Variants in TRIM58 observed in about 807,000 individuals in gnomAD.
The protein encoded by TRIM58 is tripartite motif containing 58, also known as E3 ubiquitin-protein ligase TRIM58.
Under a neutral mutation model 34.1 loss-of-function variants are expected in TRIM58, and 38 were observed. The ratio of observed to expected loss-of-function variants is 1.12; its 90% CI spans 0.86 to 1.46. TRIM58 has a LOEUF of 1.46. Among genes scored for constraint, TRIM58 ranks in the 40% most tolerant of loss-of-function variants. The pLI is 0.00. For missense variants in TRIM58, 677 were observed against 642.0 expected (o/e 1.05, Z -0.59); for synonymous variants, 273 against 275.7 (o/e 0.99, Z 0.10).
chr1:247,872,796 A>G (rs1165657818), intron 5 of TRIM58, among the ~76,000 whole-genome samples: 1 of 152,150 alleles, frequency 6.6e-6, no homozygotes, highest in Non-Finnish European at 1.5e-5. Context: ...GTGGTGGTGG[A>G]GGAGAAGAGA....
At chr1:247,863,629 T>C (rs1663851280) in intron 2 of TRIM58, among the ~76,000 whole-genome samples, 1 of 151,762 alleles carries the variant, frequency 6.6e-6, no homozygotes, top group Non-Finnish European at 1.5e-5. Context: ...CCCATGAATA[T>C]ATACAAAAAA....
intron 2 of TRIM58, among the ~76,000 whole-genome samples, chr1:247,861,312 C>T (rs748176989): frequency 5.9e-5 from 9 of 151,980 alleles, no homozygotes; most frequent in South Asian, 2.1e-4. Context: ...CAACCTGAGG[C>T]GATACCTGCC....
intron 3 of TRIM58, among the ~76,000 whole-genome samples, chr1:247,866,651 G>A (rs1663933689): frequency 1.3e-5 from 2 of 152,036 alleles, no homozygotes; most frequent in South Asian, 4.1e-4. Context: ...CACTCACGCT[G>A]GAGTGCAGTG....
chr1:247,867,682 C>T (rs966583010), intron 3 of TRIM58, among the ~76,000 whole-genome samples, 163 bp from the exon 4 acceptor site: 3 of 151,976 alleles, frequency 2.0e-5, no homozygotes, highest in Admixed American at 2.0e-4. Context: ...AAGAACGAAA[C>T]TCCATCTCAA....
chr1:247,864,994 C>T, intron 3 of TRIM58, 59 bp downstream of exon 3: 3 of 1,410,182 alleles, frequency 2.1e-6, no homozygotes, highest in Non-Finnish European at 1.9e-6. Context: ...GAGACTAGTA[C>T]AATGGCTTTC....
chr1:247,874,344 C>G (rs9803999), intron 5 of TRIM58, among the ~76,000 whole-genome samples: 56,178 of 151,792 alleles, frequency 0.37, 10,574 homozygotes, highest in South Asian at 0.45. Flanking sequence ...AAACGACCAG[C>G]TCTTGCATGA....
chr1:247,865,797 A>G (rs1166524420), intron 3 of TRIM58, among the ~76,000 whole-genome samples: 1 of 152,052 alleles, frequency 6.6e-6, no homozygotes, highest in Non-Finnish European at 1.5e-5. Flanking sequence ...ATCTGGACCG[A>G]CTCCTATCTC....
rs753149604 is a variant in TRIM58 at position 247,875,900 on chromosome 1, T to C, written c.872T>C (p.Val291Ala). The change falls in exon 6 of 6, where the codon GTG becomes GCG. Residue 291 changes from valine to alanine, a missense_variant and splice_region_variant. Physicochemically the swap from Val to Ala is moderately conservative, Grantham distance 64. Coordinates refer to ENST00000366481, the MANE Select transcript of TRIM58 (RefSeq NM_015431.4). The part of the protein sequence containing the change: ...GRRELLRKFQ[V>A]DVKLDPATAH... ...CTGGTCCACCACATTCTTTCCGCAG[T>C]GGATGTAAAGCTGGATCCCGCCACG... 6.8e-6 allele frequency: 11 copies of C among 1,606,034 alleles called. No homozygotes were observed. In the Middle Eastern group the frequency reaches 1.2e-3, roughly 170 times the overall value.
At chr1:247,874,009 TATA>T (rs1659211676) in intron 5 of TRIM58, among the ~76,000 whole-genome samples, 1 of 151,852 alleles carries the variant, frequency 6.6e-6, no homozygotes, top group South Asian at 2.1e-4. Flanking sequence ...GGCAAATAAG[TATA>T]GTGGTAGTGG....
At chr1:247,865,612 C>G (rs1663900428) in intron 3 of TRIM58, among the ~76,000 whole-genome samples, 1 of 152,196 alleles carries the variant, frequency 6.6e-6, no homozygotes, top group Non-Finnish European at 1.5e-5. Flanking sequence ...TACGTGGACT[C>G]CCGTGCAGCT....
At chr1:247,871,757 T>TCAA (rs958535230) in intron 5 of TRIM58, among the ~76,000 whole-genome samples, 3 of 152,208 alleles carry the variant, frequency 2.0e-5, no homozygotes, top group African/African-American at 7.2e-5. Context: ...AATATATCAT[T>TCAA]CAACAACAAC....
At chr1:247,857,802 C>G (rs1298690107) in intron 1 of TRIM58, 136 bp downstream of exon 1, 2 of 1,153,510 alleles carry the variant, frequency 1.7e-6, no homozygotes, top group South Asian at 4.4e-5. Context: ...GCCGTCCCCC[C>G]CGCCCACGCG....
intron 5 of TRIM58, among the ~76,000 whole-genome samples, chr1:247,871,835 A>AC (rs1659132623): frequency 3.9e-5 from 6 of 152,248 alleles, no homozygotes; most frequent in African/African-American, 1.4e-4. Context: ...CACAGGCTGT[A>AC]AGTGGCTGAC....
At position 247,876,373 on chromosome 1, in the gene TRIM58, T is replaced by G; in HGVS notation, c.1345T>G (p.Phe449Val). Residue 449 changes from phenylalanine (F) to valine (V), a missense_variant, in exon 6 of 6, where the codon TTC (phenylalanine) becomes GTC (valine). Coordinates refer to ENST00000366481, the MANE Select transcript of TRIM58 (RefSeq NM_015431.4). ...CTCTGGTCTTCTTCGGCCTTACTTT[T>G]TCATCTGTGATGCAACTCCTCTTAT... ...LFSGLLRPYF[F>V]ICDATPLILP... is the part of the protein sequence containing the mutation. The G allele has an allele frequency of 6.2e-7, 1 of 1,614,200 alleles. No individual in the cohort carries two copies. Among genetic ancestry groups the G allele is most frequent in the Non-Finnish European group, 8.5e-7 (1 of 1,180,032 alleles).
rs1572566819 is a variant in TRIM58 at position 247,857,506 on chromosome 1, T to C, written c.260T>C (p.Leu87Ser). The part of the protein sequence containing the change: ...GLVESVRRLG[L>S]GAGPGARRCA... ...GTGGAGAGCGTGCGGCGGCTGGGGT[T>C]GGGCGCGGGGCCCGGGGCGCGGCGA... is the stretch of plus-strand genomic sequence containing the variant. Residue 87 changes from leucine (L) to serine (S), a missense_variant, in exon 1 of 6, where the codon TTG (leucine) becomes TCG (serine). Physicochemically the swap from Leu to Ser is moderately radical, Grantham distance 145. Transcript: ENST00000366481. 1.5e-6 allele frequency: 2 copies of C among 1,294,690 alleles called. No individual in the cohort carries two copies. The highest frequency in any genetic ancestry group is 9.8e-7 in the Non-Finnish European group (1 of 1,023,476). The allele number at this position is 1,294,690 out of a possible 1,614,324, so 80.2% of individuals were successfully genotyped here.
intron 5 of TRIM58, among the ~76,000 whole-genome samples, chr1:247,873,694 G>T (rs556260302): frequency 6.6e-6 from 1 of 152,184 alleles, no homozygotes; most frequent in Non-Finnish European, 1.5e-5. Context: ...TAGACCGGGC[G>T]TGGCAGCTCA....
At position 247,878,738 on chromosome 1, in the gene TRIM58, A is replaced by G. The variant is rs1163339696; in HGVS notation, c.*2249A>G. ...GTCTTCTACTCTCTCCATAGGATGG[A>G]ATGAGTGTCCCAGTCCCAGGAGTAT... On this transcript the variant is annotated 3_prime_UTR_variant, in exon 6 of 6. Coordinates refer to ENST00000366481, the MANE Select transcript of TRIM58 (RefSeq NM_015431.4). Among the ~76,000 whole-genome samples the G allele has an allele frequency of 6.6e-6, 1 of 152,198 alleles. No individual in the cohort carries two copies. The highest frequency in any genetic ancestry group is 2.4e-5 in the African/African-American group (1 of 41,444).
chr1:247,869,002 C>T (rs931805717), intron 5 of TRIM58, among the ~76,000 whole-genome samples: 2 of 152,150 alleles, frequency 1.3e-5, no homozygotes, highest in African/African-American at 2.4e-5. Flanking sequence ...CATGTTCGAG[C>T]GATTCTCCTG....
At chr1:247,861,796 G>A (rs776132148) in intron 2 of TRIM58, among the ~76,000 whole-genome samples, 11 of 151,432 alleles carry the variant, frequency 7.3e-5, no homozygotes, top group Non-Finnish European at 1.5e-4. Context: ...AGATATATAC[G>A]GATAGGAAAA....
Sources: gnomAD v4.1 joint callset for allele counts (sites outside exome capture counted in the v4.1 genomes callset) on GRCh38, gnomAD v4.1.1 for gene constraint, MANE v1.5 for transcripts, NCBI Gene and HGNC (gene_info 2026-07-23, HGNC 2026-07-21) for gene names.